Variants in MLLT6 observed in about 807,000 individuals in gnomAD.
MLLT6 encodes the protein protein AF-17.
MLLT6 carries 22 observed loss-of-function variants against 103.0 expected under a neutral mutation model. That is an observed-to-expected ratio of 0.21 (90% CI 0.15 to 0.31). The LOEUF (loss-of-function observed/expected upper bound fraction) is 0.31. MLLT6 is among the 10% of genes least tolerant of loss of function. MLLT6 has a pLI of 1.00. For synonymous variants in MLLT6, 606 were observed against 623.5 expected, an observed-to-expected ratio of 0.97 and a Z score of 0.42; for missense variants, 1,199 against 1,441.7, an observed-to-expected ratio of 0.83 and a Z score of 2.73.
Position 38,728,283 on chromosome 17 carries a change from G to A in MLLT6, c.*2685G>A. The A allele has an allele frequency of 4.3e-6, 1 of 233,348 alleles. No homozygotes were observed. The highest frequency in any genetic ancestry group is 8.5e-6 in the Non-Finnish European group (1 of 118,084). 14.5% of individuals were successfully genotyped at this position (233,348 alleles called of 1,614,324 possible). On this transcript the variant is annotated 3_prime_UTR_variant, in exon 20 of 20. Transcript: ENST00000621332. ...CAGGAGGAGCAGAATACCAACGCAG[G>A]GGGATGGCTGTAACGATCTCACCGT...
In MLLT6 at chr17:38,717,119, G is replaced by C; in HGVS notation, c.1651+138G>C. On this transcript the variant is annotated intron_variant, in intron 10 of 19. Transcript: ENST00000621332. ...AGCACGGAGGAGACAGTCACCTTCA[G>C]GACATCCCCCTCTGCATGCGTGGAG... 3 of 1,301,404 alleles carry C rather than the reference G, an allele frequency of 2.3e-6. No individual in the cohort carries two copies. The South Asian group carries it at 4.2e-5, about 18-fold the overall frequency. The allele number at this position is 1,301,404 out of a possible 1,614,324, so 80.6% of individuals were successfully genotyped here.
chr17:38,727,770 G>C lies in MLLT6; in HGVS notation c.*2172G>C. 4.5e-6 allele frequency: 1 copy of C among 221,070 alleles called. No individual in the cohort carries two copies. Among genetic ancestry groups the C allele is most frequent in the African/African-American group, 2.2e-5 (1 of 44,736 alleles). The allele number at this position is 221,070 out of a possible 1,614,324, so 13.7% of individuals were successfully genotyped here. A position where few individuals can be genotyped will look rare whatever the true frequency, so the allele number is the denominator to read the frequency against. ...AGATTGTGCCACTGCACTCCAGCCT[G>C]TGTGAGAGAGTGAGACTCTGTCTCA... On this transcript the variant is annotated 3_prime_UTR_variant, in exon 20 of 20. Transcript: ENST00000621332.
Position 38,709,469 on chromosome 17 carries a change from C to A in MLLT6, c.459-13C>A. ...TGTGGCCTCAGCCGTCTCAGGCTGC[C>A]TTCTCTGGTTAGTGCCCAAATGGCA... On this transcript the variant is annotated splice_polypyrimidine_tract_variant and intron_variant, in intron 5 of 19. Coordinates refer to ENST00000621332, the MANE Select transcript of MLLT6 (RefSeq NM_005937.4). This position sits in a 1 kb window ranked among gnomAD's most constrained non-coding sequence, Gnocchi z 4.3. 1 of 1,612,176 alleles carries A rather than the reference C, an allele frequency of 6.2e-7. No homozygotes were observed. The highest frequency in any genetic ancestry group is 8.5e-7 in the Non-Finnish European group (1 of 1,178,154).
chr17:38,712,180 G>T lies in MLLT6; in HGVS notation c.720+166G>T, dbSNP rs1208985758. ...GGGGCTGAAATGAAACGGTGGGGGG[G>T]TGAGGCGGGAGCTTGGCTTCCCTGT... On this transcript the variant is annotated intron_variant, in intron 7 of 19. Coordinates refer to ENST00000621332, the MANE Select transcript of MLLT6 (RefSeq NM_005937.4). 4.3e-6 allele frequency: 4 copies of T among 931,720 alleles called. No homozygotes were observed. In the Admixed American group the frequency reaches 2.5e-4, roughly 58 times the overall value. 57.7% of individuals were successfully genotyped at this position (931,720 alleles called of 1,614,324 possible).
intron 9 of MLLT6, 43 bp downstream of exon 9, chr17:38,715,871 CT>C: frequency 6.6e-7 from 1 of 1,522,400 alleles, no homozygotes; most frequent in Non-Finnish European, 8.9e-7. Flanking sequence ...CAGGGAAAGC[CT>C]TTTGTCCTGA....
chr17:38,719,416 G>A (rs2143697249), intron 12 of MLLT6, 101 bp from the exon 13 acceptor site: 1 of 1,044,320 alleles, frequency 9.6e-7, no homozygotes, highest in Admixed American at 2.1e-5. Flanking sequence ...CCTGGGGAAA[G>A]GGATCTGCGG....
At position 38,716,310 on chromosome 17, in the gene MLLT6, T is replaced by C; in HGVS notation, c.1037-57T>C. 6.5e-7 allele frequency: 1 copy of C among 1,544,810 alleles called. No individual in the cohort carries two copies. The highest frequency in any genetic ancestry group is 8.8e-7 in the Non-Finnish European group (1 of 1,140,022). On this transcript the variant is annotated intron_variant, in intron 9 of 19. Transcript: ENST00000621332. This position sits in a 1 kb window ranked among gnomAD's most constrained non-coding sequence, Gnocchi z 5.6. ...TCTCTCCCGCCAGTACACGCGGGAG[T>C]GGGAGGGAGTGCGGGGATCTGGGGT...
intron 1 of MLLT6, 168 bp downstream of exon 1, chr17:38,705,909 G>C (rs1038728616): frequency 2.1e-5 from 6 of 281,550 alleles, no homozygotes; most frequent in African/African-American, 1.3e-4. Context: ...CTGGAAGACC[G>C]GGTCAGGCAT....
At chr17:38,725,449 C>G in intron 19 of MLLT6, 108 bp from the exon 20 acceptor site, 1 of 1,010,510 alleles carries the variant, frequency 9.9e-7, no homozygotes, top group Non-Finnish European at 1.5e-6. Context: ...TTCCATTGGC[C>G]CCGTTTCAGT....
chr17:38,716,996 G>A lies in MLLT6; in HGVS notation c.1651+15G>A. On this transcript the variant is annotated intron_variant, in intron 10 of 19. Transcript: ENST00000621332. The surrounding 1 kb of genome is among the most constrained non-coding windows in gnomAD (Gnocchi z 5.6). Reference sequence around the variant, plus strand: ...ACTAGGGGCAGGTTAGTGACCCCTGGGGACAGAGGGCATTTCAGGGCCCAG... The same window carrying A: ...ACTAGGGGCAGGTTAGTGACCCCTGAGGACAGAGGGCATTTCAGGGCCCAG... 6.2e-7 allele frequency: 1 copy of A among 1,611,974 alleles called. No individual in the cohort carries two copies.
intron 14 of MLLT6, 37 bp downstream of exon 14, chr17:38,719,932 AG>A (rs35085187): frequency 6.5e-7 from 1 of 1,536,464 alleles, no homozygotes; most frequent in African/African-American, 1.4e-5. Context: ...CGCCTGCCCT[AG>A]GGCCCTAACA....
rs1221067207 is a variant in MLLT6 at position 38,726,753 on chromosome 17, T to G, written c.*1155T>G. On this transcript the variant is annotated 3_prime_UTR_variant, in exon 20 of 20. Transcript: ENST00000621332. Reference sequence around the variant, plus strand: ...CCAGGGCTTGGGGGAGGGCGTAAGGTGGGGGGAAATGCCACTGCTTTTAGC... The same window carrying G: ...CCAGGGCTTGGGGGAGGGCGTAAGGGGGGGGGAAATGCCACTGCTTTTAGC... 2 of 233,220 alleles carry G rather than the reference T, an allele frequency of 8.6e-6. No individual in the cohort carries two copies. Among genetic ancestry groups the G allele is most frequent in the Non-Finnish European group, 1.7e-5 (2 of 118,012 alleles). The allele number at this position is 233,220 out of a possible 1,614,324, so 14.4% of individuals were successfully genotyped here.
chr17:38,724,610 C>G lies in MLLT6; in HGVS notation c.2884-10C>G. On this transcript the variant is annotated splice_polypyrimidine_tract_variant and intron_variant, in intron 18 of 19. Transcript: ENST00000621332. The surrounding 1 kb of genome is among the most constrained non-coding windows in gnomAD (Gnocchi z 5.4). ...ACTGTTGGCCAACAAGCGGTCTGGC[C>G]CCCTTGCAGGAACACCAGACTGTTG... 1 of 1,570,300 alleles carries G rather than the reference C, an allele frequency of 6.4e-7. No individual in the cohort carries two copies. Among genetic ancestry groups the G allele is most frequent in the East Asian group, 2.3e-5 (1 of 44,226 alleles).
intron 11 of MLLT6, 39 bp from the exon 12 acceptor site, chr17:38,717,806 C>T (rs774398608): frequency 1.3e-6 from 2 of 1,541,342 alleles, no homozygotes; most frequent in South Asian, 2.2e-5. Context: ...GCTCTAGATC[C>T]AAGAATAACC....
intron 18 of MLLT6, among the ~76,000 whole-genome samples, chr17:38,723,166 C>T (rs1206109035): frequency 6.6e-6 from 1 of 152,114 alleles, no homozygotes; most frequent in Non-Finnish European, 1.5e-5. Context: ...CCTGTTGGGT[C>T]GGCTGAAACT....
Position 38,722,055 on chromosome 17 carries a change from G to C in MLLT6, c.2620G>C (p.Gly874Arg). The C allele has an allele frequency of 5.0e-6, 7 of 1,399,568 alleles. No individual in the cohort carries two copies. Among genetic ancestry groups the C allele is most frequent in the Non-Finnish European group, 6.5e-6 (7 of 1,081,512 alleles). The allele number at this position is 1,399,568 out of a possible 1,614,324, so 86.7% of individuals were successfully genotyped here. A position where few individuals can be genotyped will look rare whatever the true frequency, so the allele number is the denominator to read the frequency against. Reference protein sequence around the residue: ...NGLGRAPGAAGLGAMPMAEGL... With the variant: ...NGLGRAPGAARLGAMPMAEGL... ...GTTGGGCCGGGCACCCGGGGCAGCG[G>C]GGCTGGGGGCCATGCCCATGGCTGA... The change falls in exon 17 of 20, where the codon GGG becomes CGG. Residue 874 changes from glycine to arginine, a missense_variant. Gly to Arg is a moderately radical substitution (Grantham distance 125). Coordinates refer to ENST00000621332, the MANE Select transcript of MLLT6 (RefSeq NM_005937.4).
rs1392662885 is a variant in MLLT6 at position 38,724,086 on chromosome 17, G to A, written c.2884-534G>A. On this transcript the variant is annotated intron_variant, in intron 18 of 19. Coordinates refer to ENST00000621332, the MANE Select transcript of MLLT6 (RefSeq NM_005937.4). This position sits in a 1 kb window ranked among gnomAD's most constrained non-coding sequence, Gnocchi z 5.4. ...TAGTCAGTAGTTTTGGCGAAACCCC[G>A]TCTCTACTAAAAATACAAAAATTAG... Among the ~76,000 whole-genome samples the A allele has an allele frequency of 2.6e-5, 4 of 151,960 alleles. No homozygotes were observed. Among genetic ancestry groups the A allele is most frequent in the African/African-American group, 2.4e-5 (1 of 41,480 alleles).
At chr17:38,711,731 G>A in intron 6 of MLLT6, 116 bp from the exon 7 acceptor site, 1 of 1,321,576 alleles carries the variant, frequency 7.6e-7, no homozygotes, top group Non-Finnish European at 1.0e-6. Context: ...GGTCCTCTTA[G>A]TGACAGACGG....
Position 38,720,696 on chromosome 17 carries a change from T to C in MLLT6, c.2391T>C (p.Pro797=). 6.2e-7 allele frequency: 1 copy of C among 1,613,798 alleles called. No individual in the cohort carries two copies. The highest frequency in any genetic ancestry group is 8.5e-7 in the Non-Finnish European group (1 of 1,180,028). ...SSDSLSTSKS[P]PGKSSLGLDN... ...ACTCCTTGAGCACCAGCAAGAGCCC[T>C]CCGGGAAAGAGCAGCCTCGGCCTGG... is the stretch of plus-strand genomic sequence containing the variant. The change falls in exon 16 of 20, where the codon CCT becomes CCC. Residue 797 remains proline (P), a synonymous_variant. Transcript: ENST00000621332.
Sources: allele counts gnomAD v4.1 joint callset (sites outside exome capture counted in the v4.1 genomes callset), GRCh38; gene constraint gnomAD v4.1.1; non-coding constraint Gnocchi (gnomAD v3.1); transcripts MANE v1.5; gene names NCBI Gene and HGNC (gene_info 2026-07-23, HGNC 2026-07-21).